The following RMI2 variants were observed in gnomAD, a reference collection of about 807,000 sequenced individuals.
RMI2 encodes RecQ mediated genome instability 2.
A neutral mutation model predicts 8.4 loss-of-function variants in RMI2; 11 were observed. That is an observed-to-expected ratio of 1.32 (90% CI 0.83 to 2.18). The LOEUF (loss-of-function observed/expected upper bound fraction) is 2.18, where lower values mean the gene tolerates loss of function less well. Ranked by LOEUF, RMI2 falls within the 30% of genes most tolerant of loss-of-function variation. The pLI, the probability that RMI2 is intolerant of heterozygous loss-of-function variation, is 0.00. For synonymous variants in RMI2, 105 were observed against 93.8 expected (o/e 1.12, Z -0.69); for missense variants, 253 against 207.5 (o/e 1.22, Z -1.35).
rs1383659262 is a variant in RMI2, at chr16:11,349,518, T to C, written c.296-1124T>C. The stretch of plus-strand genomic sequence containing the variant: ...GGCTTGTTTTTCTCTTCGTGGGCCT[T>C]CAGTCATTCTACTTCTGTGTGTTCC... On this transcript the variant is annotated intron_variant, in intron 1 of 1. Transcript: ENST00000312499. The surrounding 1 kb of genome is among the most constrained non-coding windows in gnomAD (Gnocchi z 4.2). 6.6e-6 allele frequency among the ~76,000 whole-genome samples: 1 copy of C among 152,234 alleles called. No individual in the cohort carries two copies. Among genetic ancestry groups the C allele is most frequent in the African/African-American group, 2.4e-5 (1 of 41,452 alleles).
In RMI2 at chr16:11,349,705, C is replaced by A. The variant is rs978511227; in HGVS notation, c.296-937C>A. 6.6e-6 allele frequency among the ~76,000 whole-genome samples: 1 copy of A among 152,186 alleles called. No homozygotes were observed. Among genetic ancestry groups the A allele is most frequent in the African/African-American group, 2.4e-5 (1 of 41,442 alleles). ...ACAGCAGGATCAGGGGTCAGCTTGCCTGGGGCTTCAGTCAAAGCCCCAGGC... is the reference window on the plus strand; with the variant it reads ...ACAGCAGGATCAGGGGTCAGCTTGCATGGGGCTTCAGTCAAAGCCCCAGGC... On this transcript the variant is annotated intron_variant, in intron 1 of 1. Coordinates refer to ENST00000312499, the MANE Select transcript of RMI2 (RefSeq NM_152308.3). The surrounding 1 kb of genome is among the most constrained non-coding windows in gnomAD (Gnocchi z 4.2).
Position 11,345,721 on chromosome 16 carries a change from C to T in RMI2, c.250C>T (p.Arg84Cys). 8.0e-7 allele frequency: 1 copy of T among 1,251,548 alleles called. No individual in the cohort carries two copies. The highest frequency in any genetic ancestry group is 1.0e-6 in the Non-Finnish European group (1 of 999,296). 77.5% of individuals were successfully genotyped at this position (1,251,548 alleles called of 1,614,324 possible). ...GGACCCGAGCGGGGACTTCTCGGTC[C>T]GCGGCCTGGAGCGGGTGCCGCGCGG... ...LRDPSGDFSVRGLERVPRGRP... is the reference protein window; with the variant it reads ...LRDPSGDFSVCGLERVPRGRP... Residue 84 changes from arginine to cysteine, a missense_variant, in exon 1 of 2, where the codon CGC becomes TGC. Physicochemically the swap from Arg to Cys is radical, Grantham distance 180. Transcript: ENST00000312499.
intron 1 of RMI2, among the ~76,000 whole-genome samples, chr16:11,346,321 G>A (rs2070869889): frequency 6.7e-6 from 1 of 149,336 alleles, no homozygotes; most frequent in Non-Finnish European, 1.5e-5. Flanking sequence ...GTGCAGTGGC[G>A]CGACCTCAGC....
chr16:11,350,945 T>C lies in RMI2; in HGVS notation c.*155T>C. ...TGACCAAGGAGTCCGGATGTAGGAA[T>C]GTTTAAATCCTCGGATACTTCAGTG... On this transcript the variant is annotated 3_prime_UTR_variant, in exon 2 of 2. Transcript: ENST00000312499. 2 of 573,150 alleles carry C rather than the reference T, an allele frequency of 3.5e-6. No individual in the cohort carries two copies. The highest frequency in any genetic ancestry group is 5.0e-5 in the South Asian group (2 of 40,274). The allele number at this position is 573,150 out of a possible 1,614,324, so 35.5% of individuals were successfully genotyped here.
At chr16:11,348,474 A>C (rs977059773) in intron 1 of RMI2, 1 of 152,168 alleles carries the variant, frequency 6.6e-6, no homozygotes, top group Non-Finnish European at 1.5e-5. Flanking sequence ...TGTCTGACAT[A>C]CCCACTGGCC....
At position 11,345,621 on chromosome 16, in the gene RMI2, C is replaced by G. The variant is rs2141209619; in HGVS notation, c.150C>G (p.Arg50=). 1 of 1,233,292 alleles carries G rather than the reference C, an allele frequency of 8.1e-7. No individual in the cohort carries two copies. Among genetic ancestry groups the G allele is most frequent in the Non-Finnish European group, 1.0e-6 (1 of 989,066 alleles). 76.4% of individuals were successfully genotyped at this position (1,233,292 alleles called of 1,614,324 possible). A position where few individuals can be genotyped will look rare whatever the true frequency, so the allele number is the denominator to read the frequency against. ...AWRLSRAAAG[R]GPLDLAAVWM... ...GGCTGTCACGGGCGGCGGCGGGCCGCGGGCCGCTGGACCTGGCGGCCGTGT... is the reference window on the plus strand; with the variant it reads ...GGCTGTCACGGGCGGCGGCGGGCCGGGGGCCGCTGGACCTGGCGGCCGTGT... Residue 50 remains arginine, a synonymous_variant, in exon 1 of 2, where the codon CGC becomes CGG. Transcript: ENST00000312499.
rs143695308 is a variant in RMI2, at chr16:11,350,538, C to T, written c.296-104C>T. 1,048 of 931,518 alleles carry T rather than the reference C, an allele frequency of 1.1e-3. 7 individuals carry two copies. The highest frequency in any genetic ancestry group is 8.1e-3 in the African/African-American group (476 of 58,788). The allele number at this position is 931,518 out of a possible 1,614,324, so 57.7% of individuals were successfully genotyped here. ...TCAGGAGGTGGAGGCTGCAATGAGCCGAGATTGTGCCACTGCACTCCAGCC... is the reference window on the plus strand; with the variant it reads ...TCAGGAGGTGGAGGCTGCAATGAGCTGAGATTGTGCCACTGCACTCCAGCC... On this transcript the variant is annotated intron_variant, in intron 1 of 1. Transcript: ENST00000312499.
Position 11,345,487 on chromosome 16 carries a change from G to A in RMI2, c.16G>A (p.Asp6Asn). The A allele has an allele frequency of 7.6e-7, 1 of 1,317,302 alleles. No individual in the cohort carries two copies. Among genetic ancestry groups the A allele is most frequent in the African/African-American group, 1.5e-5 (1 of 66,112 alleles). The allele number at this position is 1,317,302 out of a possible 1,614,324, so 81.6% of individuals were successfully genotyped here. Residue 6 changes from aspartate to asparagine, a missense_variant, in exon 1 of 2, where the codon GAC (aspartate) becomes AAC (asparagine). Coordinates refer to ENST00000312499, the MANE Select transcript of RMI2 (RefSeq NM_152308.3). MAAAADSFSGGPAGVR... is the reference protein window; with the variant it reads MAAAANSFSGGPAGVR... ...GCGAGGCGGAATGGCGGCGGCTGCG[G>A]ACTCGTTCTCAGGCGGCCCCGCGGG...
intron 1 of RMI2, among the ~76,000 whole-genome samples, chr16:11,347,987 G>A (rs776444691): frequency 6.6e-6 from 1 of 152,162 alleles, no homozygotes; most frequent in Non-Finnish European, 1.5e-5. Context: ...CAACATGTTG[G>A]CTAGACTGGT....
intron 1 of RMI2, among the ~76,000 whole-genome samples, chr16:11,350,257 AT>A (rs1720617232): frequency 6.6e-6 from 1 of 152,204 alleles, no homozygotes; most frequent in South Asian, 2.1e-4. Flanking sequence ...GCGTGGTTAC[AT>A]TTTACATGAC....
intron 1 of RMI2, among the ~76,000 whole-genome samples, chr16:11,347,830 G>C (rs1008960615): frequency 6.6e-6 from 1 of 152,152 alleles, no homozygotes; most frequent in African/African-American, 2.4e-5. Flanking sequence ...TCTCAGGCTG[G>C]AGTACAGTGA....
intron 1 of RMI2, among the ~76,000 whole-genome samples, chr16:11,346,712 C>T (rs1371410855): frequency 1.3e-5 from 2 of 152,214 alleles, no homozygotes; most frequent in African/African-American, 2.4e-5. Context: ...TTCTAACCAG[C>T]TCCCAGGTGA....
At position 11,350,852 on chromosome 16, in the gene RMI2, G is replaced by A. The variant is rs1369636014; in HGVS notation, c.*62G>A. 9 of 1,406,012 alleles carry A rather than the reference G, an allele frequency of 6.4e-6. No individual in the cohort carries two copies. The highest frequency in any genetic ancestry group is 8.8e-6 in the Non-Finnish European group (9 of 1,027,074). The allele number at this position is 1,406,012 out of a possible 1,614,324, so 87.1% of individuals were successfully genotyped here. On this transcript the variant is annotated 3_prime_UTR_variant, in exon 2 of 2. Coordinates refer to ENST00000312499, the MANE Select transcript of RMI2 (RefSeq NM_152308.3). The stretch of plus-strand genomic sequence containing the variant: ...CCGAAACTATTTAGAAGCTTATAAT[G>A]ATGTGGATTTCATGGACACTTTTCA...
In RMI2 at chr16:11,345,515, T is replaced by TGCGGCTTCCGAGGTCGC; in HGVS notation, c.45_61dup (p.Pro21ArgfsTer50). The stretch of plus-strand genomic sequence containing the variant: ...TCGTTCTCAGGCGGCCCCGCGGGGG[T>TGCGGCTTCCGAGGTCGC]GCGGCTTCCGAGGTCGCCGCCACTC... On this transcript the variant is annotated frameshift_variant, in exon 1 of 2. Transcript: ENST00000312499. LOFTEE classifies it high-confidence loss of function. 9.2e-6 allele frequency: 12 copies of TGCGGCTTCCGAGGTCGC among 1,299,808 alleles called. No individual in the cohort carries two copies. Among genetic ancestry groups the TGCGGCTTCCGAGGTCGC allele is most frequent in the Non-Finnish European group, 1.2e-5 (12 of 1,019,852 alleles). 80.5% of individuals were successfully genotyped at this position (1,299,808 alleles called of 1,614,324 possible).
rs1277300124 is a variant in RMI2, at chr16:11,345,778, G to A, written c.295+12G>A. 7 of 1,233,062 alleles carry A rather than the reference G, an allele frequency of 5.7e-6. No homozygotes were observed. The highest frequency in any genetic ancestry group is 1.0e-6 in the Non-Finnish European group (1 of 988,360). The allele number at this position is 1,233,062 out of a possible 1,614,324, so 76.4% of individuals were successfully genotyped here. On this transcript the variant is annotated intron_variant, in intron 1 of 1. Transcript: ENST00000312499. ...CTGTCTAGTCCCAGGTAATGCCCGG[G>A]CCTTACCGGGCGCCCTCTTCCCTGC... is the stretch of plus-strand genomic sequence containing the variant.
At chr16:11,347,884 G>A (rs1015131550) in intron 1 of RMI2, among the ~76,000 whole-genome samples, 7 of 152,180 alleles carry the variant, frequency 4.6e-5, no homozygotes, top group African/African-American at 1.4e-4. Context: ...GGGTTCAAGC[G>A]ATTCTCATGC....
In RMI2 at chr16:11,349,858, T is replaced by C. The variant is rs1427726887; in HGVS notation, c.296-784T>C. The stretch of plus-strand genomic sequence containing the variant: ...TTATGTGGTTGAGACTGGCCAAGTT[T>C]TGCTTTCAAGGAGAGTCACTTCCCC... On this transcript the variant is annotated intron_variant, in intron 1 of 1. Transcript: ENST00000312499. The surrounding 1 kb of genome is among the most constrained non-coding windows in gnomAD (Gnocchi z 4.2). 6.6e-6 allele frequency among the ~76,000 whole-genome samples: 1 copy of C among 152,202 alleles called. No individual in the cohort carries two copies. The highest frequency in any genetic ancestry group is 6.5e-5 in the Admixed American group (1 of 15,280).
At chr16:11,345,918 A>T in intron 1 of RMI2, 152 bp downstream of exon 1, 1 of 512,748 alleles carries the variant, frequency 2.0e-6, no homozygotes, top group South Asian at 1.1e-4. Flanking sequence ...CCGCTTGGGT[A>T]CCCTTGCTCC....
chr16:11,345,709 G>T lies in RMI2; in HGVS notation c.238G>T (p.Asp80Tyr). 7.9e-7 allele frequency: 1 copy of T among 1,258,736 alleles called. No individual in the cohort carries two copies. The highest frequency in any genetic ancestry group is 1.0e-6 in the Non-Finnish European group (1 of 1,003,474). 78.0% of individuals were successfully genotyped at this position (1,258,736 alleles called of 1,614,324 possible). The change falls in exon 1 of 2, where the codon GAC (aspartate) becomes TAC (tyrosine). Residue 80 changes from aspartate (D) to tyrosine (Y), a missense_variant. Transcript: ENST00000312499. ...GEARLRDPSG[D>Y]FSVRGLERVP... ...GGCTCGGCTGAGGGACCCGAGCGGG[G>T]ACTTCTCGGTCCGCGGCCTGGAGCG...
Sources: allele counts gnomAD v4.1 joint callset (sites outside exome capture counted in the v4.1 genomes callset), GRCh38; gene constraint gnomAD v4.1.1; non-coding constraint Gnocchi (gnomAD v3.1); transcripts MANE v1.5; gene names NCBI Gene and HGNC (gene_info 2026-07-23, HGNC 2026-07-21).